The following NAT14 variants were observed in gnomAD, a reference collection of about 807,000 sequenced individuals.
The protein encoded by NAT14 is N-acetyltransferase 14 (putative), also known as probable N-acetyltransferase 14.
Under a neutral mutation model 12.1 loss-of-function variants are expected in NAT14, and 14 were observed. The ratio of observed to expected loss-of-function variants is 1.16; its 90% CI spans 0.76 to 1.81. The LOEUF (loss-of-function observed/expected upper bound fraction) is 1.81, where lower values mean the gene tolerates loss of function less well. NAT14 is among the 40% of genes most tolerant of loss of function. The pLI, the probability that NAT14 is intolerant of heterozygous loss-of-function variation, is 0.00. For missense variants in NAT14, 341 were observed against 304.3 expected (o/e 1.12, Z -0.90); for synonymous variants, 156 against 145.1 (o/e 1.08, Z -0.54).
Position 55,486,154 on chromosome 19 carries a change from T to A in NAT14, c.73-254T>A, listed in dbSNP as rs1986907484. ...CAGCCTGAGGCAACCTCCCTGTCCT[T>A]ACTTCCCTGGGGCCTCACTGCGGCA... On this transcript the variant is annotated intron_variant, in intron 2 of 2. Coordinates refer to ENST00000205194, the MANE Select transcript of NAT14 (RefSeq NM_020378.4). 4 of 577,144 alleles carry A rather than the reference T, an allele frequency of 6.9e-6. No homozygotes were observed. In the East Asian group the frequency reaches 1.2e-4, roughly 17 times the overall value. The allele number at this position is 577,144 out of a possible 1,614,324, so 35.8% of individuals were successfully genotyped here.
chr19:55,486,954 T>C lies in NAT14; in HGVS notation c.619T>C (p.Ter207ArgextTer60). 1 of 1,555,486 alleles carries C rather than the reference T, an allele frequency of 6.4e-7. No homozygotes were observed. The highest frequency in any genetic ancestry group is 8.6e-7 in the Non-Finnish European group (1 of 1,158,832). The change falls in exon 3 of 3, where the codon TGA becomes CGA. Residue 207 changes from the stop codon to arginine (R), a stop_lost. Transcript: ENST00000205194. ...TLVREFSKDL[*>R] The stretch of plus-strand genomic sequence containing the variant: ...GGTGAGGGAATTCAGCAAAGACCTG[T>C]GAAGCTACAGACTGACAGCCAGGGC...
In NAT14 at chr19:55,486,886, G is replaced by C; in HGVS notation, c.551G>C (p.Gly184Ala). The change falls in exon 3 of 3, where the codon GGC (glycine) becomes GCC (alanine). Residue 184 changes from glycine to alanine, a missense_variant. Physicochemically the swap from Gly to Ala is moderately conservative, Grantham distance 60. Transcript: ENST00000205194. ...WGVGGMLEGC[G>A]YQAEGGWGCL... Reference sequence around the variant, plus strand: ...GTGGGAGGGATGCTGGAGGGCTGTGGCTACCAGGCCGAGGGGGGCTGGGGC... The same window carrying C: ...GTGGGAGGGATGCTGGAGGGCTGTGCCTACCAGGCCGAGGGGGGCTGGGGC... 6.5e-7 allele frequency: 1 copy of C among 1,544,354 alleles called. No homozygotes were observed.
Position 55,487,432 on chromosome 19 carries a change from T to C in NAT14, c.*476T>C. On this transcript the variant is annotated 3_prime_UTR_variant, in exon 3 of 3. Coordinates refer to ENST00000205194, the MANE Select transcript of NAT14 (RefSeq NM_020378.4). The stretch of plus-strand genomic sequence containing the variant: ...CCTTGGAGGGGACAAGGTTGACTGC[T>C]TAGGAGGCGCGACGCACAGGGCTGC... 1 of 400,416 alleles carries C rather than the reference T, an allele frequency of 2.5e-6. No individual in the cohort carries two copies. Among genetic ancestry groups the C allele is most frequent in the African/African-American group, 2.1e-5 (1 of 48,734 alleles). The allele number at this position is 400,416 out of a possible 1,614,324, so 24.8% of individuals were successfully genotyped here.
intron 1 of NAT14, 126 bp from the exon 2 acceptor site, chr19:55,485,535 C>T: frequency 1.7e-6 from 1 of 589,112 alleles, no homozygotes; most frequent in Non-Finnish European, 3.0e-6. Flanking sequence ...CCGAGATCCT[C>T]GCTTGGGGGC....
At position 55,486,883 on chromosome 19, in the gene NAT14, G is replaced by C; in HGVS notation, c.548G>C (p.Cys183Ser). 1 of 1,542,618 alleles carries C rather than the reference G, an allele frequency of 6.5e-7. No homozygotes were observed. Among genetic ancestry groups the C allele is most frequent in the Non-Finnish European group, 8.7e-7 (1 of 1,151,608 alleles). Reference sequence around the variant, plus strand: ...GGGGTGGGAGGGATGCTGGAGGGCTGTGGCTACCAGGCCGAGGGGGGCTGG... The same window carrying C: ...GGGGTGGGAGGGATGCTGGAGGGCTCTGGCTACCAGGCCGAGGGGGGCTGG... ...AWGVGGMLEG[C>S]GYQAEGGWGC... The change falls in exon 3 of 3, where the codon TGT becomes TCT. Residue 183 changes from cysteine (C) to serine (S), a missense_variant. Coordinates refer to ENST00000205194, the MANE Select transcript of NAT14 (RefSeq NM_020378.4).
Position 55,487,440 on chromosome 19 carries a change from C to T in NAT14, c.*484C>T, listed in dbSNP as rs116178637. On this transcript the variant is annotated 3_prime_UTR_variant, in exon 3 of 3. Transcript: ENST00000205194. ...GGGACAAGGTTGACTGCTTAGGAGGCGCGACGCACAGGGCTGCCAGGCCTG... is the reference window on the plus strand; with the variant it reads ...GGGACAAGGTTGACTGCTTAGGAGGTGCGACGCACAGGGCTGCCAGGCCTG... 23 of 399,192 alleles carry T rather than the reference C, an allele frequency of 5.8e-5. 1 individual carries two copies. The South Asian group carries it at 9.0e-4, about 16-fold the overall frequency. The allele number at this position is 399,192 out of a possible 1,614,324, so 24.7% of individuals were successfully genotyped here. A position where few individuals can be genotyped will look rare whatever the true frequency, so the allele number is the denominator to read the frequency against.
Position 55,487,237 on chromosome 19 carries a change from C to T in NAT14, c.*281C>T, listed in dbSNP as rs1599906988. 2.0e-6 allele frequency: 1 copy of T among 499,918 alleles called. No individual in the cohort carries two copies. The highest frequency in any genetic ancestry group is 3.5e-6 in the Non-Finnish European group (1 of 288,310). 31.0% of individuals were successfully genotyped at this position (499,918 alleles called of 1,614,324 possible). ...GCCTCTCCAACCCCTACCTCAGCTC[C>T]TGTCTGCACTGAGAAACCTCCCCGG... On this transcript the variant is annotated 3_prime_UTR_variant, in exon 3 of 3. Transcript: ENST00000205194.
chr19:55,487,055 G>A lies in NAT14; in HGVS notation c.*99G>A. The A allele has an allele frequency of 2.1e-6, 3 of 1,454,976 alleles. No individual in the cohort carries two copies. Among genetic ancestry groups the A allele is most frequent in the Non-Finnish European group, 2.7e-6 (3 of 1,107,810 alleles). The allele number at this position is 1,454,976 out of a possible 1,614,324, so 90.1% of individuals were successfully genotyped here. On this transcript the variant is annotated 3_prime_UTR_variant, in exon 3 of 3. Transcript: ENST00000205194. ...GTTCTTTTACCTGCTCTCCCTCAGT[G>A]AGTCCTCAACCACCCTGGGCCCAGA... is the stretch of plus-strand genomic sequence containing the variant.
rs7478 is a variant in NAT14, at chr19:55,487,144, T to A, written c.*188T>A. 360,127 of 903,338 alleles carry A rather than the reference T, an allele frequency of 0.4. 75,522 individuals are homozygous for A. Among genetic ancestry groups the A allele is most frequent in the South Asian group, 0.5 (27,141 of 53,916 alleles). 56.0% of individuals were successfully genotyped at this position (903,338 alleles called of 1,614,324 possible). A position where few individuals can be genotyped will look rare whatever the true frequency, so the allele number is the denominator to read the frequency against. ...CACCCGTCAGCAGTGTGAAGTCTGT[T>A]GTGTTTGAGCTTCTCAGAGTGGAAT... On this transcript the variant is annotated 3_prime_UTR_variant, in exon 3 of 3. Transcript: ENST00000205194.
intron 2 of NAT14, 139 bp downstream of exon 2, chr19:55,485,919 C>G: frequency 2.8e-6 from 2 of 720,058 alleles, no homozygotes; most frequent in Non-Finnish European, 4.8e-6. Flanking sequence ...CTCAGCCGCC[C>G]TGCTGCTGAA....
Position 55,486,518 on chromosome 19 carries a change from C to T in NAT14, c.183C>T (p.Ser61=), listed in dbSNP as rs768996923. Residue 61 remains serine, a synonymous_variant, in exon 3 of 3, where the codon TCC becomes TCT. Transcript: ENST00000205194. Reference sequence around the variant, plus strand: ...GCGGCCTGCGCTTTGTCCTGGCTTCCTTCGCCCTGGCCCTCCTCCTGCCGG... The same window carrying T: ...GCGGCCTGCGCTTTGTCCTGGCTTCTTTCGCCCTGGCCCTCCTCCTGCCGG... The part of the protein sequence containing the change: ...ASSGLRFVLA[S]FALALLLPVF... The T allele has an allele frequency of 1.3e-6, 2 of 1,587,030 alleles. No individual in the cohort carries two copies. The highest frequency in any genetic ancestry group is 1.1e-5 in the South Asian group (1 of 88,686).
chr19:55,487,176 T>A lies in NAT14; in HGVS notation c.*220T>A. The A allele has an allele frequency of 1.5e-6, 1 of 668,106 alleles. No homozygotes were observed. Among genetic ancestry groups the A allele is most frequent in the Non-Finnish European group, 2.3e-6 (1 of 431,910 alleles). The allele number at this position is 668,106 out of a possible 1,614,324, so 41.4% of individuals were successfully genotyped here. A position where few individuals can be genotyped will look rare whatever the true frequency, so the allele number is the denominator to read the frequency against. ...GAGCTTCTCAGAGTGGAATGACTCCTTTTCCTTCCTGGCCCTCGGGGGCCT... is the reference window on the plus strand; with the variant it reads ...GAGCTTCTCAGAGTGGAATGACTCCATTTCCTTCCTGGCCCTCGGGGGCCT... On this transcript the variant is annotated 3_prime_UTR_variant, in exon 3 of 3. Transcript: ENST00000205194.
chr19:55,486,347 CCT>C (rs1265471464), intron 2 of NAT14, 59 bp from the exon 3 acceptor site: 7 of 1,396,100 alleles, frequency 5.0e-6, no homozygotes, highest in Non-Finnish European at 5.6e-6. Flanking sequence ...GGGTCTACCT[CCT>C]CTCTTTGTCC....
Position 55,487,064 on chromosome 19 carries a change from A to C in NAT14, c.*108A>C. On this transcript the variant is annotated 3_prime_UTR_variant, in exon 3 of 3. Transcript: ENST00000205194. ...CCTGCTCTCCCTCAGTGAGTCCTCA[A>C]CCACCCTGGGCCCAGAAACAGAGGC... 2.1e-6 allele frequency: 3 copies of C among 1,433,606 alleles called. No individual in the cohort carries two copies. The highest frequency in any genetic ancestry group is 2.7e-6 in the Non-Finnish European group (3 of 1,095,972). 88.8% of individuals were successfully genotyped at this position (1,433,606 alleles called of 1,614,324 possible). A position where few individuals can be genotyped will look rare whatever the true frequency, so the allele number is the denominator to read the frequency against.
At position 55,486,973 on chromosome 19, in the gene NAT14, C is replaced by A; in HGVS notation, c.*17C>A. Reference sequence around the variant, plus strand: ...GACCTGTGAAGCTACAGACTGACAGCCAGGGCAGGGGAGGAGGGAGGGGCG... The same window carrying A: ...GACCTGTGAAGCTACAGACTGACAGACAGGGCAGGGGAGGAGGGAGGGGCG... On this transcript the variant is annotated 3_prime_UTR_variant, in exon 3 of 3. Coordinates refer to ENST00000205194, the MANE Select transcript of NAT14 (RefSeq NM_020378.4). The A allele has an allele frequency of 6.5e-7, 1 of 1,539,586 alleles. No individual in the cohort carries two copies. The highest frequency in any genetic ancestry group is 1.2e-5 in the South Asian group (1 of 84,492).
chr19:55,486,999 C>G lies in NAT14; in HGVS notation c.*43C>G, dbSNP rs758083266. On this transcript the variant is annotated 3_prime_UTR_variant, in exon 3 of 3. Transcript: ENST00000205194. ...CAGGGCAGGGGAGGAGGGAGGGGCGCCAGCACCTGATGATCGCCTACTGTC... is the reference window on the plus strand; with the variant it reads ...CAGGGCAGGGGAGGAGGGAGGGGCGGCAGCACCTGATGATCGCCTACTGTC... 3.3e-6 allele frequency: 5 copies of G among 1,518,658 alleles called. No homozygotes were observed. The highest frequency in any genetic ancestry group is 4.4e-6 in the Non-Finnish European group (5 of 1,139,916). The allele number at this position is 1,518,658 out of a possible 1,614,324, so 94.1% of individuals were successfully genotyped here.
At chr19:55,485,529 G>A (rs1986891580) in intron 1 of NAT14, 132 bp from the exon 2 acceptor site, 1 of 583,902 alleles carries the variant, frequency 1.7e-6, no homozygotes, top group Non-Finnish European at 3.1e-6. Flanking sequence ...GTCCTGCCGA[G>A]ATCCTCGCTT....
At position 55,487,315 on chromosome 19, in the gene NAT14, G is replaced by C. The variant is rs1055170772; in HGVS notation, c.*359G>C. On this transcript the variant is annotated 3_prime_UTR_variant, in exon 3 of 3. Transcript: ENST00000205194. ...GTGCCCCAGGCTGGGAGAGCTATCT[G>C]GGGAGGGGGAGAGGAGGCCGAGCAG... 2 of 432,218 alleles carry C rather than the reference G, an allele frequency of 4.6e-6. No homozygotes were observed. The highest frequency in any genetic ancestry group is 4.1e-5 in the African/African-American group (2 of 48,758). 26.8% of individuals were successfully genotyped at this position (432,218 alleles called of 1,614,324 possible).
At position 55,487,456 on chromosome 19, in the gene NAT14, G is replaced by A. The variant is rs527657588; in HGVS notation, c.*500G>A. On this transcript the variant is annotated 3_prime_UTR_variant, in exon 3 of 3. Transcript: ENST00000205194. The stretch of plus-strand genomic sequence containing the variant: ...CTTAGGAGGCGCGACGCACAGGGCT[G>A]CCAGGCCTGGCCCCTCTCTGGGAAG... The A allele has an allele frequency of 3.8e-5, 15 of 397,604 alleles. No homozygotes were observed. The highest frequency in any genetic ancestry group is 6.6e-5 in the Non-Finnish European group (15 of 225,738). The allele number at this position is 397,604 out of a possible 1,614,324, so 24.6% of individuals were successfully genotyped here. A position where few individuals can be genotyped will look rare whatever the true frequency, so the allele number is the denominator to read the frequency against.
Sources: allele counts gnomAD v4.1 joint callset, GRCh38; gene constraint gnomAD v4.1.1; transcripts MANE v1.5; gene names NCBI Gene and HGNC (gene_info 2026-07-23, HGNC 2026-07-21).